The following NSUN3 variants were observed in gnomAD, a reference collection of about 807,000 sequenced individuals.
NSUN3 encodes the protein NOP2/Sun RNA methyltransferase 3.
In NSUN3, 24 loss-of-function variants were observed where a neutral mutation model predicts 36.8. The observed-to-expected ratio is 0.65, with a 90% CI of 0.47 to 0.92. The LOEUF is 0.92. Ranked by LOEUF, NSUN3 falls within the 40% of genes least tolerant of loss-of-function variation. The pLI is 0.00. For missense variants in NSUN3, 381 were observed against 392.8 expected, an observed-to-expected ratio of 0.97 and a Z score of 0.25; for synonymous variants, 146 against 145.2, an observed-to-expected ratio of 1.01 and a Z score of -0.04.
At chr3:94,120,067 A>T (rs2077455047) in intron 5 of NSUN3, among the ~76,000 whole-genome samples, 1 of 152,248 alleles carries the variant, frequency 6.6e-6, no homozygotes, top group Non-Finnish European at 1.5e-5. Flanking sequence ...ATTGTTTGTA[A>T]ATTATGAGGC....
In NSUN3 at chr3:94,126,910, TC is replaced by T. The variant is rs546122838; in HGVS notation, c.*426del. ...TACAAATTTGTTCAAGGTTTTTTTT[TC>T]CCCCCAACTTTTGTAACTGATTGTC... On this transcript the variant is annotated 3_prime_UTR_variant, in exon 6 of 6. Coordinates refer to ENST00000314622, the MANE Select transcript of NSUN3 (RefSeq NM_022072.5). 4.9e-3 allele frequency: 776 copies of T among 158,056 alleles called. 7 individuals are homozygous for T. The highest frequency in any genetic ancestry group is 0.017 in the African/African-American group (703 of 41,582). The allele number at this position is 158,056 out of a possible 1,614,324, so 9.8% of individuals were successfully genotyped here.
At chr3:94,063,253 G>T (rs1051648097) in intron 1 of NSUN3, 115 bp downstream of exon 1, 6 of 1,017,182 alleles carry the variant, frequency 5.9e-6, no homozygotes, top group Middle Eastern at 3.0e-4. Context: ...TCGTCCCCTC[G>T]CGAGATCAGC....
At chr3:94,093,407 G>A (rs192604215) in intron 3 of NSUN3, among the ~76,000 whole-genome samples, 1 of 152,250 alleles carries the variant, frequency 6.6e-6, no homozygotes, top group Admixed American at 6.5e-5. Context: ...ACGTTAAACT[G>A]TAATGTTCAG....
chr3:94,102,199 C>T (rs1042382092), intron 5 of NSUN3, among the ~76,000 whole-genome samples: 11 of 66,346 alleles, frequency 1.7e-4, no homozygotes, highest in Non-Finnish European at 2.4e-4. Flanking sequence ...TTGAAAGAAA[C>T]GTTAAAAAAA....
At chr3:94,097,693 A>G (rs1248201028) in intron 5 of NSUN3, among the ~76,000 whole-genome samples, 2 of 152,200 alleles carry the variant, frequency 1.3e-5, no homozygotes, top group Non-Finnish European at 2.9e-5. Flanking sequence ...GACTTTGTTT[A>G]CTGCTTGCTC....
chr3:94,090,338 A>C (rs1296158244), intron 3 of NSUN3, among the ~76,000 whole-genome samples: 4 of 152,238 alleles, frequency 2.6e-5, no homozygotes, highest in Non-Finnish European at 4.4e-5. Flanking sequence ...AACCAACCTA[A>C]GACCATTTCA....
intron 3 of NSUN3, among the ~76,000 whole-genome samples, chr3:94,086,615 G>A (rs1446590341): frequency 2.0e-5 from 3 of 152,190 alleles, no homozygotes; most frequent in East Asian, 3.9e-4. Context: ...GTTGTACTAG[G>A]CATTGGTACA....
At chr3:94,068,149 GA>G (rs924394072) in intron 2 of NSUN3, among the ~76,000 whole-genome samples, 1 of 151,906 alleles carries the variant, frequency 6.6e-6, no homozygotes, top group African/African-American at 2.4e-5. Flanking sequence ...GTAAAATGGG[GA>G]AAAAATAGTA....
chr3:94,087,727 G>C (rs766451029), intron 3 of NSUN3, among the ~76,000 whole-genome samples: 3 of 152,174 alleles, frequency 2.0e-5, no homozygotes, highest in Non-Finnish European at 4.4e-5. Flanking sequence ...CTGGAGTGCA[G>C]TGGTGCGATC....
At position 94,124,148 on chromosome 3, in the gene NSUN3, C is replaced by CT. The variant is rs58987431; in HGVS notation, c.744-2041dup. On this transcript the variant is annotated intron_variant, in intron 5 of 5. Transcript: ENST00000314622. ...TATTTTCTATTTTATTATTTTATTT[C>CT]TTTTTTTTTTTTTTTTTTTTTTGAG... 6.0e-3 allele frequency among the ~76,000 whole-genome samples: 526 copies of CT among 88,198 alleles called. 3 individuals are homozygous for CT. Among genetic ancestry groups the CT allele is most frequent in the Middle Eastern group, 0.011 (1 of 88 alleles). The allele number at this position is 88,198 out of a possible 152,430, so 57.9% of individuals were successfully genotyped here.
rs1358824688 is a variant in NSUN3 at position 94,126,802 on chromosome 3, C to G, written c.*312C>G. ...GGTTTTATGCATAACGTGTTTAGTT[C>G]TGTATTCTTTCTATGATAGTGCTTT... On this transcript the variant is annotated 3_prime_UTR_variant, in exon 6 of 6. Coordinates refer to ENST00000314622, the MANE Select transcript of NSUN3 (RefSeq NM_022072.5). The G allele has an allele frequency of 4.5e-6, 1 of 220,660 alleles. No homozygotes were observed. Among genetic ancestry groups the G allele is most frequent in the African/African-American group, 2.3e-5 (1 of 43,436 alleles). 13.7% of individuals were successfully genotyped at this position (220,660 alleles called of 1,614,324 possible). A position where few individuals can be genotyped will look rare whatever the true frequency, so the allele number is the denominator to read the frequency against.
Position 94,126,919 on chromosome 3 carries a change from C to A in NSUN3, c.*429C>A, listed in dbSNP as rs1258432842. 1.3e-5 allele frequency: 2 copies of A among 158,206 alleles called. No homozygotes were observed. Among genetic ancestry groups the A allele is most frequent in the African/African-American group, 4.8e-5 (2 of 41,438 alleles). The allele number at this position is 158,206 out of a possible 1,614,324, so 9.8% of individuals were successfully genotyped here. ...GTTCAAGGTTTTTTTTTCCCCCCAA[C>A]TTTTGTAACTGATTGTCTCAGAACT... On this transcript the variant is annotated 3_prime_UTR_variant, in exon 6 of 6. Coordinates refer to ENST00000314622, the MANE Select transcript of NSUN3 (RefSeq NM_022072.5).
chr3:94,084,610 A>G (rs1005737714), intron 3 of NSUN3, 160 bp downstream of exon 3: 26 of 546,108 alleles, frequency 4.8e-5, no homozygotes, highest in Middle Eastern at 4.5e-4. Flanking sequence ...TTTGCTGAGG[A>G]AGTCAGTATA....
chr3:94,083,889 C>G (rs1231318858), intron 2 of NSUN3, among the ~76,000 whole-genome samples: 2 of 151,952 alleles, frequency 1.3e-5, no homozygotes, highest in East Asian at 3.9e-4. Flanking sequence ...AACGAAATAC[C>G]AGTTTTTAAA....
At chr3:94,110,771 T>C (rs1311031897) in intron 5 of NSUN3, among the ~76,000 whole-genome samples, 2 of 150,304 alleles carry the variant, frequency 1.3e-5, no homozygotes, top group Non-Finnish European at 3.0e-5. Flanking sequence ...CACACACGCA[T>C]ATATATATAC....
intron 2 of NSUN3, among the ~76,000 whole-genome samples, chr3:94,067,118 A>G (rs937217704): frequency 1.3e-5 from 2 of 152,204 alleles, no homozygotes; most frequent in Admixed American, 1.3e-4. Context: ...TAAAAGCTGT[A>G]TGGACAGTCA....
At chr3:94,063,741 C>A (rs892615631) in intron 1 of NSUN3, 1 of 152,624 alleles carries the variant, frequency 6.6e-6, no homozygotes, top group Admixed American at 6.5e-5. Context: ...CCTCAGCCTC[C>A]CTAGTAGCTA....
intron 5 of NSUN3, among the ~76,000 whole-genome samples, chr3:94,123,175 C>T (rs2077471323): frequency 6.6e-6 from 1 of 152,172 alleles, no homozygotes; most frequent in Non-Finnish European, 1.5e-5. Flanking sequence ...AGAGCTCCCT[C>T]TTTTTCCAGA....
chr3:94,075,107 TA>T (rs1433226082), intron 2 of NSUN3, among the ~76,000 whole-genome samples: 2 of 152,084 alleles, frequency 1.3e-5, no homozygotes, highest in South Asian at 2.1e-4. Context: ...GGATTACTTT[TA>T]TTTTTTTTCA....
Sources: allele counts gnomAD v4.1 joint callset (sites outside exome capture counted in the v4.1 genomes callset), GRCh38; gene constraint gnomAD v4.1.1; transcripts MANE v1.5; gene names NCBI Gene and HGNC (gene_info 2026-07-23, HGNC 2026-07-21).